SORBS2: variants seen among roughly 807,000 people sequenced by gnomAD.
The protein encoded by SORBS2 is sorbin and SH3 domain containing 2, also known as sorbin and SH3 domain-containing protein 2.
Under a neutral mutation model 97.7 loss-of-function variants are expected in SORBS2, and 46 were observed. That is an observed-to-expected ratio of 0.47 (90% confidence interval 0.37 to 0.60). The LOEUF (loss-of-function observed/expected upper bound fraction) is 0.60. Ranked by LOEUF, SORBS2 falls within the 20% of genes least tolerant of loss-of-function variation. SORBS2 has a pLI of 0.00. For synonymous variants in SORBS2, 476 were observed against 473.4 expected, an observed-to-expected ratio of 1.01 and a Z score of -0.07; for missense variants, 1,316 against 1,282.3, an observed-to-expected ratio of 1.03 and a Z score of -0.40.
chr4:185,946,725 A>C (rs932850275), intron 1 of SORBS2, among the ~76,000 whole-genome samples: 3 of 152,364 alleles, frequency 2.0e-5, no homozygotes, highest in Non-Finnish European at 1.5e-5. Flanking sequence ...TGTACATCTG[A>C]ACCTAATTTT....
chr4:185,605,773 C>T (rs1195204573), intron 12 of SORBS2, among the ~76,000 whole-genome samples: 4 of 151,926 alleles, frequency 2.6e-5, no homozygotes, highest in Non-Finnish European at 4.4e-5. Flanking sequence ...TTGGTAGTGA[C>T]GGGGTTTCAC....
At chr4:185,832,297 A>T (rs564031612) in intron 1 of SORBS2, among the ~76,000 whole-genome samples, 4 of 152,298 alleles carry the variant, frequency 2.6e-5, no homozygotes, top group Admixed American at 2.6e-4. Context: ...TATAAAAAAG[A>T]TTGTATTATT....
chr4:185,720,998 A>C (rs1045313379), intron 2 of SORBS2, among the ~76,000 whole-genome samples: 1 of 151,380 alleles, frequency 6.6e-6, no homozygotes, highest in Non-Finnish European at 1.5e-5. Flanking sequence ...CACCTGCCTC[A>C]TGGGATTGCT....
At chr4:185,848,822 G>C (rs1198302642) in intron 1 of SORBS2, among the ~76,000 whole-genome samples, 2 of 151,748 alleles carry the variant, frequency 1.3e-5, no homozygotes, top group Admixed American at 6.6e-5. Flanking sequence ...TGACGGTTAA[G>C]TCTGCTGGGT....
chr4:185,618,635 A>G lies in SORBS2; in HGVS notation c.2305-4T>C. ...AAACAGCTTTTGCAGGCAATTTCTG[A>G]AAAGGAAGATAAACAATTAGCACTA... is the stretch of plus-strand genomic sequence containing the variant. On this transcript the variant is annotated splice_polypyrimidine_tract_variant and splice_region_variant and intron_variant, in intron 8 of 14. Transcript: ENST00000418609. 6.5e-7 allele frequency: 1 copy of G among 1,534,680 alleles called. No homozygotes were observed. The highest frequency in any genetic ancestry group is 8.9e-7 in the Non-Finnish European group (1 of 1,126,674).
At chr4:185,892,374 C>A (rs1235964192) in intron 1 of SORBS2, among the ~76,000 whole-genome samples, 2 of 152,124 alleles carry the variant, frequency 1.3e-5, no homozygotes, top group Admixed American at 6.6e-5. Flanking sequence ...GCAACATTTC[C>A]TTTTTGCAAA....
intron 2 of SORBS2, among the ~76,000 whole-genome samples, chr4:185,691,928 T>C (rs1169966911): frequency 1.3e-5 from 2 of 152,204 alleles, no homozygotes; most frequent in Non-Finnish European, 2.9e-5. Context: ...TTTGCATTTT[T>C]AGTAGAGACA....
At chr4:185,760,047 C>G (rs1348101886) in intron 2 of SORBS2, among the ~76,000 whole-genome samples, 3 of 152,160 alleles carry the variant, frequency 2.0e-5, no homozygotes, top group African/African-American at 7.2e-5. Flanking sequence ...GATAGCCCAG[C>G]TTAGGGGACT....
chr4:185,817,051 CTAA>C (rs978571906), intron 1 of SORBS2, among the ~76,000 whole-genome samples: 3 of 152,092 alleles, frequency 2.0e-5, no homozygotes, highest in Admixed American at 2.0e-4. Context: ...TCTTTACTGG[CTAA>C]TAATAACAAC....
chr4:185,772,606 G>A (rs1027469877), intron 2 of SORBS2: 6 of 152,138 alleles, frequency 3.9e-5, no homozygotes, highest in African/African-American at 1.4e-4. Flanking sequence ...CACCACTGAG[G>A]GCCAGGCTGC....
intron 2 of SORBS2, among the ~76,000 whole-genome samples, chr4:185,721,434 G>A (rs2098513916): frequency 6.6e-6 from 1 of 152,114 alleles, no homozygotes; most frequent in African/African-American, 2.4e-5. Flanking sequence ...GACAAGATCA[G>A]CACGGTGACT....
chr4:185,595,317 A>C (rs1224421880), intron 12 of SORBS2, among the ~76,000 whole-genome samples: 1 of 152,220 alleles, frequency 6.6e-6, no homozygotes, highest in African/African-American at 2.4e-5. Context: ...TTAAGAGTGA[A>C]ATAGTTTACT....
chr4:185,844,535 C>T (rs943962651), intron 1 of SORBS2, among the ~76,000 whole-genome samples: 1 of 152,160 alleles, frequency 6.6e-6, no homozygotes, highest in Non-Finnish European at 1.5e-5. Flanking sequence ...AACGGTACAG[C>T]TACTGTGGAA....
upstream of SORBS2, chr4:185,657,694 ACCATATTG>A: frequency 9.2e-7 from 1 of 1,088,494 alleles, no homozygotes; most frequent in Non-Finnish European, 1.3e-6. Flanking sequence ...TAACACAGAG[ACCATATTG>A]CCATCACTGT....
rs897924603 is a variant in SORBS2, at chr4:185,684,501, AC to A, written c.-197-5680del. Among the ~76,000 whole-genome samples the A allele has an allele frequency of 2.6e-4, 39 of 151,830 alleles. No individual in the cohort carries two copies. The highest frequency in any genetic ancestry group is 9.2e-4 in the African/African-American group (38 of 41,380). On this transcript the variant is annotated intron_variant, in intron 2 of 20. Coordinates refer to the SORBS2 transcript ENST00000284776. The surrounding 1 kb of genome is among the most constrained non-coding windows in gnomAD (Gnocchi z 4.2). ...AAAAGTTTTTAGGTTAAAAAAAAAA[AC>A]CCCAAAACCTCTGAGTTATCTTAAT...
At chr4:185,939,186 T>C (rs1249674278) in intron 1 of SORBS2, among the ~76,000 whole-genome samples, 1 of 152,204 alleles carries the variant, frequency 6.6e-6, no homozygotes, top group African/African-American at 2.4e-5. Context: ...TGCACCATTT[T>C]ACCTAAATTT....
At chr4:185,672,832 G>T (rs1252228616) in intron 4 of SORBS2, among the ~76,000 whole-genome samples, 2 of 152,124 alleles carry the variant, frequency 1.3e-5, no homozygotes, top group East Asian at 3.9e-4. Flanking sequence ...ACAGTGCTTG[G>T]CATTGGCTGA....
intron 4 of SORBS2, among the ~76,000 whole-genome samples, chr4:185,663,348 C>T (rs1363105264): frequency 2.0e-5 from 3 of 152,158 alleles, no homozygotes; most frequent in African/African-American, 7.2e-5. Flanking sequence ...CACTTTAAAG[C>T]AAATGGGTTT....
intron 2 of SORBS2, among the ~76,000 whole-genome samples, chr4:185,714,192 AT>A (rs1467229139): frequency 6.6e-6 from 1 of 152,242 alleles, no homozygotes; most frequent in African/African-American, 2.4e-5. Context: ...ATACATTTGC[AT>A]TTTAACAGAT....
Sources: gnomAD v4.1 joint callset for allele counts (sites outside exome capture counted in the v4.1 genomes callset) on GRCh38, gnomAD v4.1.1 for gene constraint, Gnocchi (gnomAD v3.1) non-coding constraint, MANE v1.5 for transcripts, NCBI Gene and HGNC (gene_info 2026-07-23, HGNC 2026-07-21) for gene names.